USP38: variants seen among roughly 807,000 people sequenced by gnomAD.
The protein encoded by USP38 is ubiquitin carboxyl-terminal hydrolase 38.
Under a neutral mutation model 94.3 loss-of-function variants are expected in USP38, and 49 were observed. That is an observed-to-expected ratio of 0.52 (90% CI 0.41 to 0.66). The LOEUF is 0.66. USP38 is among the 30% of genes least tolerant of loss of function. The probability of loss-of-function intolerance (pLI) is 0.00; values close to 1 mark genes in which losing one functional copy is unlikely to be tolerated. For missense variants in USP38, 1,128 were observed against 1,229.4 expected (o/e 0.92, Z 1.23); for synonymous variants, 468 against 463.6 (o/e 1.01, Z -0.12).
intron 9 of USP38, among the ~76,000 whole-genome samples, chr4:143,217,046 A>C (rs1415666097): frequency 6.6e-6 from 1 of 152,172 alleles, no homozygotes; most frequent in Admixed American, 6.6e-5. Context: ...TCCTGGCCTC[A>C]AGTGATCTGC....
chr4:143,216,647 A>T (rs575327656), intron 9 of USP38, among the ~76,000 whole-genome samples: 10 of 151,692 alleles, frequency 6.6e-5, no homozygotes, highest in East Asian at 3.9e-4. Flanking sequence ...CTAATTTTTT[A>T]AAAAAAATTT....
intron 2 of USP38, among the ~76,000 whole-genome samples, chr4:143,190,518 A>G (rs928666798): frequency 6.6e-6 from 1 of 152,090 alleles, no homozygotes; most frequent in Non-Finnish European, 1.5e-5. Flanking sequence ...TTAGAGGCAG[A>G]ACTTATCTTC....
At chr4:143,212,493 G>T in intron 8 of USP38, 69 bp downstream of exon 8, 1 of 946,676 alleles carries the variant, frequency 1.1e-6, no homozygotes, top group Non-Finnish European at 1.5e-6. Flanking sequence ...ACTTAATATT[G>T]CTTTTACCTT....
chr4:143,214,155 G>T lies in USP38; in HGVS notation c.2179G>T (p.Ala727Ser). Reference protein sequence around the residue: ...SVTDLLNYFLAPEILTGDNQY... With the variant: ...SVTDLLNYFLSPEILTGDNQY... ...AACTGACTTACTAAATTATTTTTTG[G>T]CTCCAGAGATTCTTACTGGTGATAA... Residue 727 changes from alanine to serine, a missense_variant, in exon 9 of 10, where the codon GCT becomes TCT. Physicochemically the swap from Ala to Ser is moderately conservative, Grantham distance 99. Transcript: ENST00000307017. The T allele has an allele frequency of 6.2e-7, 1 of 1,612,040 alleles. No homozygotes were observed. The highest frequency in any genetic ancestry group is 8.5e-7 in the Non-Finnish European group (1 of 1,179,386).
intron 4 of USP38, 149 bp from the exon 5 acceptor site, chr4:143,203,259 A>G (rs760286189): frequency 3.5e-4 from 268 of 768,106 alleles, no homozygotes; most frequent in Admixed American, 5.2e-4. Context: ...TATTTTAGAA[A>G]TGTTTAACTT....
intron 2 of USP38, among the ~76,000 whole-genome samples, chr4:143,190,516 A>G (rs1282022700): frequency 6.6e-6 from 1 of 152,112 alleles, no homozygotes; most frequent in Non-Finnish European, 1.5e-5. Flanking sequence ...TCTTAGAGGC[A>G]GAACTTATCT....
chr4:143,197,893 G>T lies in USP38; in HGVS notation c.1019G>T (p.Ser340Ile). Reference sequence around the variant, plus strand: ...GCAGTTCTTTCTCACATGCTGCTTAGCTTTCAGCATTCTCCAGAGGCGTTC... The same window carrying T: ...GCAGTTCTTTCTCACATGCTGCTTATCTTTCAGCATTCTCCAGAGGCGTTC... ...ALAVLSHMLLSFQHSPEAFHL... is the reference protein window; with the variant it reads ...ALAVLSHMLLIFQHSPEAFHL... The change falls in exon 4 of 10, where the codon AGC (serine) becomes ATC (isoleucine). Residue 340 changes from serine (S) to isoleucine (I), a missense_variant. Coordinates refer to ENST00000307017, the MANE Select transcript of USP38 (RefSeq NM_032557.6). The T allele has an allele frequency of 6.2e-7, 1 of 1,613,828 alleles. No homozygotes were observed.
At position 143,185,294 on chromosome 4, in the gene USP38, C is replaced by A; in HGVS notation, c.-157C>A. Reference sequence around the variant, plus strand: ...CCCGGCTTGGATGGGTCTCCCTGCGCCATAAATGTGGCTGCTGAGGCGGCG... The same window carrying A: ...CCCGGCTTGGATGGGTCTCCCTGCGACATAAATGTGGCTGCTGAGGCGGCG... On this transcript the variant is annotated 5_prime_UTR_variant, in exon 1 of 10. Coordinates refer to ENST00000307017, the MANE Select transcript of USP38 (RefSeq NM_032557.6). The A allele has an allele frequency of 1.3e-6, 1 of 796,734 alleles. No homozygotes were observed. The highest frequency in any genetic ancestry group is 1.9e-6 in the Non-Finnish European group (1 of 517,720). 49.4% of individuals were successfully genotyped at this position (796,734 alleles called of 1,614,324 possible). A position where few individuals can be genotyped will look rare whatever the true frequency, so the allele number is the denominator to read the frequency against.
chr4:143,207,828 G>C (rs774168689), intron 6 of USP38, among the ~76,000 whole-genome samples: 1 of 152,044 alleles, frequency 6.6e-6, no homozygotes. Flanking sequence ...AACGGCAAGA[G>C]CAAATAAAAG....
intron 9 of USP38, among the ~76,000 whole-genome samples, chr4:143,217,199 A>ACATGTT (rs1372957159): frequency 6.6e-6 from 1 of 152,206 alleles, no homozygotes; most frequent in Non-Finnish European, 1.5e-5. Context: ...TATTTTAAGT[A>ACATGTT]CATGTTAAAA....
rs1268062480 is a variant in USP38 at position 143,185,906 on chromosome 4, C to T, written c.456C>T (p.Thr152=). Residue 152 remains threonine (T), a synonymous_variant, in exon 1 of 10, where the codon ACC becomes ACT. Transcript: ENST00000307017. ...QLCARLSDLL[T]DFVQCIPKGK... The stretch of plus-strand genomic sequence containing the variant: ...GTGCCCGACTGAGCGACCTTCTGAC[C>T]GACTTTGTGCAATGCATCCCCAAGG... The T allele has an allele frequency of 1.9e-6, 3 of 1,614,162 alleles. No homozygotes were observed. In the South Asian group the frequency reaches 3.3e-5, roughly 18 times the overall value.
chr4:143,190,389 C>T (rs565732519), intron 2 of USP38, among the ~76,000 whole-genome samples: 40 of 152,178 alleles, frequency 2.6e-4, no homozygotes, highest in Non-Finnish European at 4.4e-4. Flanking sequence ...TACCCAAGCT[C>T]GTTCAGGTAA....
rs368810928 is a variant in USP38 at position 143,214,561 on chromosome 4, C to G, written c.2585C>G (p.Ala862Gly). 29 of 1,613,362 alleles carry G rather than the reference C, an allele frequency of 1.8e-5. No individual in the cohort carries two copies. The highest frequency in any genetic ancestry group is 2.3e-5 in the Non-Finnish European group (27 of 1,179,786). ...SSESGHYYSYARNITSTDSSY... is the reference protein window; with the variant it reads ...SSESGHYYSYGRNITSTDSSY... ...GAAAGTGGGCATTACTATTCTTATG[C>G]CAGGAATATCACAAGTACAGACTCT... The change falls in exon 9 of 10, where the codon GCC (alanine) becomes GGC (glycine). Residue 862 changes from alanine (A) to glycine (G), a missense_variant. Coordinates refer to ENST00000307017, the MANE Select transcript of USP38 (RefSeq NM_032557.6).
chr4:143,190,296 T>C (rs1379597781), intron 2 of USP38, among the ~76,000 whole-genome samples: 1 of 152,130 alleles, frequency 6.6e-6, no homozygotes, highest in African/African-American at 2.4e-5. Flanking sequence ...ACATAAACTA[T>C]TTAATACTCA....
rs759695914 is a variant in USP38, at chr4:143,185,403, C to G, written c.-48C>G. The G allele has an allele frequency of 3.3e-6, 5 of 1,520,724 alleles. No individual in the cohort carries two copies. The East Asian group carries it at 6.8e-5, about 21-fold the overall frequency. 94.2% of individuals were successfully genotyped at this position (1,520,724 alleles called of 1,614,324 possible). On this transcript the variant is annotated 5_prime_UTR_variant, in exon 1 of 10. Coordinates refer to ENST00000307017, the MANE Select transcript of USP38 (RefSeq NM_032557.6). ...CTCTCCTGCCCCACCTCGGGGCTGC[C>G]GCCACCCGCTCCTTATCCCCTGGCC...
rs1441976402 is a variant in USP38, at chr4:143,214,467, G to A, written c.2491G>A (p.Glu831Lys). Residue 831 changes from glutamate to lysine, a missense_variant, in exon 9 of 10, where the codon GAA becomes AAA. Coordinates refer to ENST00000307017, the MANE Select transcript of USP38 (RefSeq NM_032557.6). The stretch of plus-strand genomic sequence containing the variant: ...AAAATTAAAGCCTTCAGGGACTGAT[G>A]AAGCTTCCTGCACAAAATTGGTGCC... ...AKKLKPSGTD[E>K]ASCTKLVPYL... is the part of the protein sequence containing the mutation. 1.2e-6 allele frequency: 2 copies of A among 1,613,406 alleles called. No homozygotes were observed. Among genetic ancestry groups the A allele is most frequent in the Non-Finnish European group, 1.7e-6 (2 of 1,179,802 alleles).
Position 143,207,427 on chromosome 4 carries a change from A to G in USP38, c.1403+1201A>G, listed in dbSNP as rs144747610. ...GTGATGTGTGCCTGTAATCCCAACT[A>G]TTCAGGAGGCTGAGGCAGGAGAATC... is the stretch of plus-strand genomic sequence containing the variant. On this transcript the variant is annotated intron_variant, in intron 6 of 9. Transcript: ENST00000307017. Among the ~76,000 whole-genome samples, 229 of 152,254 alleles carry G rather than the reference A, an allele frequency of 1.5e-3. 1 individual carries two copies. In the Middle Eastern group the frequency reaches 0.017, roughly 11 times the overall value.
In USP38 at chr4:143,193,366, A is replaced by G. The variant is rs114459612; in HGVS notation, c.819-2350A>G. Among the ~76,000 whole-genome samples the G allele has an allele frequency of 7.9e-5, 12 of 152,234 alleles. 1 individual carries two copies. Among genetic ancestry groups the G allele is most frequent in the Non-Finnish European group, 1.0e-4 (7 of 68,026 alleles). On this transcript the variant is annotated intron_variant, in intron 2 of 9. Coordinates refer to ENST00000307017, the MANE Select transcript of USP38 (RefSeq NM_032557.6). ...CATAGTAGCCATTTCCTTATTGACA[A>G]TCATTTAGGTTGTTTGCAGTTCTTC... is the stretch of plus-strand genomic sequence containing the variant.
chr4:143,214,636 A>G lies in USP38; in HGVS notation c.2660A>G (p.Gln887Arg), dbSNP rs764069678. 1 of 1,613,658 alleles carries G rather than the reference A, an allele frequency of 6.2e-7. No homozygotes were observed. The highest frequency in any genetic ancestry group is 8.5e-7 in the Non-Finnish European group (1 of 1,179,784). The change falls in exon 9 of 10, where the codon CAG becomes CGG. Residue 887 changes from glutamine to arginine, a missense_variant. Transcript: ENST00000307017. ...GAGGCTCTGGCATTAGCATCCTCCC[A>G]GAGTCATTTACTAGGGAGAGATAGT... ...QSEALALASS[Q>R]SHLLGRDSPS...
Sources: allele counts gnomAD v4.1 joint callset (sites outside exome capture counted in the v4.1 genomes callset), GRCh38; gene constraint gnomAD v4.1.1; transcripts MANE v1.5; gene names NCBI Gene and HGNC (gene_info 2026-07-23, HGNC 2026-07-21).